The following CTNND2 variants were observed in gnomAD, a reference collection of about 807,000 sequenced individuals.
The protein encoded by CTNND2 is catenin delta-2.
A neutral mutation model predicts 144.4 loss-of-function variants in CTNND2; 22 were observed. That is an observed-to-expected ratio of 0.15 (90% CI 0.11 to 0.22). CTNND2 has a LOEUF of 0.22. Among genes scored for constraint, CTNND2 ranks in the 10% least tolerant of loss-of-function variants. The pLI is 1.00. For missense variants in CTNND2, 1,353 were observed against 1,618.8 expected (o/e 0.84, Z 2.82); for synonymous variants, 751 against 695.6 (o/e 1.08, Z -1.25).
chr5:11,466,772 AC>A (rs1766714712), intron 3 of CTNND2, among the ~76,000 whole-genome samples: 1 of 152,196 alleles, frequency 6.6e-6, no homozygotes, highest in Admixed American at 6.5e-5. Context: ...AAAGTCACTG[AC>A]GCCATCTCCT....
At chr5:11,224,320 G>T (rs148212527) in intron 10 of CTNND2, among the ~76,000 whole-genome samples, 5 of 152,056 alleles carry the variant, frequency 3.3e-5, no homozygotes, top group African/African-American at 1.2e-4. Flanking sequence ...AAATATATTG[G>T]CCTCTGGCTG....
At chr5:11,656,807 A>C (rs1022316210) in intron 2 of CTNND2, among the ~76,000 whole-genome samples, 13 of 152,138 alleles carry the variant, frequency 8.5e-5, no homozygotes, top group African/African-American at 3.1e-4. Flanking sequence ...ACATTTCTTC[A>C]ATTTTAATGG....
rs555796681 is a variant in CTNND2 at position 11,866,049 on chromosome 5, T to C, written c.37+37768A>G. On this transcript the variant is annotated intron_variant, in intron 1 of 21. Transcript: ENST00000304623. The stretch of plus-strand genomic sequence containing the variant: ...CAGGTGTAGTGGCTCACACCTGTAA[T>C]CCCAACACTATGGGAGGCCAAAGTG... Among the ~76,000 whole-genome samples, 4 of 152,200 alleles carry C rather than the reference T, an allele frequency of 2.6e-5. No homozygotes were observed. In the South Asian group the frequency reaches 8.3e-4, roughly 32 times the overall value.
chr5:11,618,927 TTC>T (rs1160174891), intron 2 of CTNND2, among the ~76,000 whole-genome samples: 3 of 152,220 alleles, frequency 2.0e-5, no homozygotes, highest in East Asian at 1.9e-4. Flanking sequence ...AGAAACCATA[TTC>T]TGTTTACCTC....
At chr5:11,375,085 C>T (rs1166169419) in intron 7 of CTNND2, among the ~76,000 whole-genome samples, 1 of 152,098 alleles carries the variant, frequency 6.6e-6, no homozygotes, top group African/African-American at 2.4e-5. Context: ...ATCTCAACAT[C>T]CTAAACAGAG....
chr5:11,823,303 T>C (rs574916328), intron 1 of CTNND2, among the ~76,000 whole-genome samples: 1 of 152,246 alleles, frequency 6.6e-6, no homozygotes. Context: ...TTTTTTCCAA[T>C]TAACGAGTTT....
chr5:11,895,002 T>C (rs1737281453), intron 1 of CTNND2, among the ~76,000 whole-genome samples: 2 of 152,180 alleles, frequency 1.3e-5, no homozygotes, highest in Non-Finnish European at 2.9e-5. Context: ...AGCATGGTCC[T>C]ATGTGACCAG....
intron 3 of CTNND2, among the ~76,000 whole-genome samples, chr5:11,493,435 G>A (rs532532389): frequency 3.9e-4 from 60 of 152,284 alleles, no homozygotes; most frequent in Non-Finnish European, 2.9e-4. Context: ...CAAAGCAGAC[G>A]TGAAAATCAT....
chr5:11,392,561 C>G (rs1204549754), intron 6 of CTNND2, among the ~76,000 whole-genome samples: 1 of 152,156 alleles, frequency 6.6e-6, no homozygotes, highest in Non-Finnish European at 1.5e-5. Context: ...TATACACCCT[C>G]TCTGCCATGA....
chr5:11,560,380 C>T (rs183761404), intron 3 of CTNND2, among the ~76,000 whole-genome samples: 1 of 152,272 alleles, frequency 6.6e-6, no homozygotes, highest in Non-Finnish European at 1.5e-5. Flanking sequence ...AGAGTCAAGT[C>T]CCCTTTAGGA....
chr5:11,261,513 G>A (rs1744857401), intron 9 of CTNND2, among the ~76,000 whole-genome samples: 1 of 152,338 alleles, frequency 6.6e-6, no homozygotes, highest in East Asian at 1.9e-4. Flanking sequence ...CCAAAGGACA[G>A]AGTCACTTAG....
intron 9 of CTNND2, among the ~76,000 whole-genome samples, chr5:11,264,323 T>C (rs890086626): frequency 1.1e-4 from 16 of 152,142 alleles, no homozygotes; most frequent in African/African-American, 3.9e-4. Context: ...CATATTGGAT[T>C]AGGGTAGGCT....
chr5:11,337,175 T>G (rs1010357830), intron 9 of CTNND2, among the ~76,000 whole-genome samples: 1 of 152,156 alleles, frequency 6.6e-6, no homozygotes, highest in Non-Finnish European at 1.5e-5. Context: ...AGGAAATAAA[T>G]GGGAAGCACA....
At chr5:11,650,273 C>T (rs1212579783) in intron 2 of CTNND2, among the ~76,000 whole-genome samples, 1 of 152,194 alleles carries the variant, frequency 6.6e-6, no homozygotes, top group Admixed American at 6.5e-5. Context: ...CCTGCTTCAC[C>T]TTCACCTTCA....
intron 3 of CTNND2, among the ~76,000 whole-genome samples, chr5:11,443,812 C>T (rs536561637): frequency 1.3e-5 from 2 of 152,150 alleles, no homozygotes; most frequent in Non-Finnish European, 2.9e-5. Flanking sequence ...TTAAAACACT[C>T]AGTGAGTTTC....
At chr5:11,893,039 C>T (rs1421934583) in intron 1 of CTNND2, among the ~76,000 whole-genome samples, 2 of 152,226 alleles carry the variant, frequency 1.3e-5, no homozygotes, top group East Asian at 1.9e-4. Context: ...CTCCCACTTG[C>T]GGCTCTGCAC....
chr5:11,080,985 G>A (rs1749486506), intron 16 of CTNND2, among the ~76,000 whole-genome samples: 2 of 152,024 alleles, frequency 1.3e-5, no homozygotes, highest in Non-Finnish European at 2.9e-5. Context: ...GCTGAGGCAG[G>A]AGAACTGTTT....
At chr5:11,769,487 T>C (rs552644766) in intron 1 of CTNND2, among the ~76,000 whole-genome samples, 1 of 152,338 alleles carries the variant, frequency 6.6e-6, no homozygotes, top group African/African-American at 2.4e-5. Flanking sequence ...AAAGTGAATA[T>C]TATACATGCA....
intron 2 of CTNND2, among the ~76,000 whole-genome samples, chr5:11,649,992 T>C (rs1782562682): frequency 6.6e-6 from 1 of 152,166 alleles, no homozygotes; most frequent in South Asian, 2.1e-4. Flanking sequence ...GTGACAAAAC[T>C]AGTATTTTTG....
Sources: allele counts gnomAD v4.1 joint callset (sites outside exome capture counted in the v4.1 genomes callset), GRCh38; gene constraint gnomAD v4.1.1; transcripts MANE v1.5; gene names NCBI Gene and HGNC (gene_info 2026-07-23, HGNC 2026-07-21).